Variants in PXDNL observed in about 807,000 individuals in gnomAD.
PXDNL encodes the protein peroxidasin like.
A neutral mutation model predicts 150.8 loss-of-function variants in PXDNL; 145 were observed. The ratio of observed to expected loss-of-function variants is 0.96; its 90% CI spans 0.84 to 1.10. The LOEUF (loss-of-function observed/expected upper bound fraction) is 1.10. Ranked by LOEUF, PXDNL falls within the 50% of genes least tolerant of loss-of-function variation. The pLI, the probability that PXDNL is intolerant of heterozygous loss-of-function variation, is 0.00. For synonymous variants in PXDNL, 757 were observed against 725.7 expected, an observed-to-expected ratio of 1.04 and a Z score of -0.69; for missense variants, 2,087 against 1,873.9, an observed-to-expected ratio of 1.11 and a Z score of -2.10.
At chr8:51,757,960 C>G (rs915360847) in intron 1 of PXDNL, among the ~76,000 whole-genome samples, 2 of 151,972 alleles carry the variant, frequency 1.3e-5, no homozygotes, top group Non-Finnish European at 1.5e-5. Context: ...AGAATATATT[C>G]TCATGAAAAT....
chr8:51,624,099 C>CAAAAAAA (rs59841822), intron 2 of PXDNL, among the ~76,000 whole-genome samples: 3 of 79,574 alleles, frequency 3.8e-5, no homozygotes, highest in Non-Finnish European at 2.3e-5. Context: ...TCTCAAATTA[C>CAAAAAAA]AAAAAAAAAA....
chr8:51,656,265 T>G (rs1451660410), intron 1 of PXDNL, among the ~76,000 whole-genome samples: 1 of 152,244 alleles, frequency 6.6e-6, no homozygotes, highest in East Asian at 1.9e-4. Flanking sequence ...CACTTCATCT[T>G]TCTCTAGACT....
At chr8:51,508,018 G>T (rs973077082) in intron 4 of PXDNL, among the ~76,000 whole-genome samples, 5 of 152,076 alleles carry the variant, frequency 3.3e-5, no homozygotes, top group African/African-American at 7.2e-5. Flanking sequence ...TGAAATGATA[G>T]AAAACTATTA....
At chr8:51,666,961 T>C (rs1815399176) in intron 1 of PXDNL, among the ~76,000 whole-genome samples, 1 of 152,114 alleles carries the variant, frequency 6.6e-6, no homozygotes, top group Non-Finnish European at 1.5e-5. Flanking sequence ...CCCACCCCGA[T>C]TTTCTGTTTC....
At chr8:51,325,977 GACT>G (rs1805471271) in intron 21 of PXDNL, among the ~76,000 whole-genome samples, 1 of 152,144 alleles carries the variant, frequency 6.6e-6, no homozygotes, top group East Asian at 1.9e-4. Context: ...TGTCTAGAGG[GACT>G]CAGGTTTTGT....
intron 7 of PXDNL, among the ~76,000 whole-genome samples, chr8:51,474,724 T>C (rs1413968312): frequency 6.6e-6 from 1 of 152,232 alleles, no homozygotes; most frequent in African/African-American, 2.4e-5. Context: ...ATTTCTCCTC[T>C]GAAATTACGG....
Position 51,475,021 on chromosome 8 carries a change from T to A in PXDNL, c.645A>T (p.Arg215Ser), listed in dbSNP as rs756281388. The A allele has an allele frequency of 1.2e-6, 2 of 1,611,288 alleles. No individual in the cohort carries two copies. Among genetic ancestry groups the A allele is most frequent in the Admixed American group, 1.7e-5 (1 of 59,646 alleles). Residue 215 changes from arginine to serine, a missense_variant, in exon 7 of 23, where the codon AGA becomes AGT. By Grantham distance (110) the Arg-to-Ser change is moderately radical. Transcript: ENST00000356297. ...QAAATCEYPR[R>S]LHGRAVASVT... ...CTGAAGCAACTGCACGCCCATGGAG[T>A]CTCCTGGGATATTCGCAGGTAGCCG... is the stretch of plus-strand genomic sequence containing the variant.
At chr8:51,646,670 GC>G (rs1449171601) in intron 2 of PXDNL, among the ~76,000 whole-genome samples, 1 of 152,174 alleles carries the variant, frequency 6.6e-6, no homozygotes. Context: ...ACTTCTAGGA[GC>G]CTTGCTCCTA....
intron 9 of PXDNL, among the ~76,000 whole-genome samples, chr8:51,454,382 AC>A (rs1483069184): frequency 1.3e-5 from 2 of 152,236 alleles, no homozygotes; most frequent in South Asian, 2.1e-4. Flanking sequence ...CTTGTGGCAT[AC>A]AATTAAAATA....
intron 1 of PXDNL, among the ~76,000 whole-genome samples, chr8:51,709,046 C>T (rs1816442090): frequency 6.6e-6 from 1 of 151,970 alleles, no homozygotes; most frequent in African/African-American, 2.4e-5. Flanking sequence ...GAAGAAGGAG[C>T]CCTGCTGAGG....
intron 5 of PXDNL, among the ~76,000 whole-genome samples, chr8:51,499,072 C>T (rs2217525): frequency 0.48 from 73,528 of 151,970 alleles, 20,950 homozygotes; most frequent in East Asian, 0.63. Flanking sequence ...GAAAGTGAAA[C>T]TGCTAGATCT....
intron 21 of PXDNL, among the ~76,000 whole-genome samples, chr8:51,333,518 A>G (rs1252458148): frequency 6.6e-6 from 1 of 152,234 alleles, no homozygotes; most frequent in Non-Finnish European, 1.5e-5. Context: ...ATTGAATGTA[A>G]ATGTACTCAA....
In PXDNL at chr8:51,366,008, T is replaced by C. The variant is rs1475388940; in HGVS notation, c.3901+5865A>G. The stretch of plus-strand genomic sequence containing the variant: ...AACAGTAGATTCCAACAAAAGAAGG[T>C]TGCCCCTACTGTAACCCTCATGAAC... On this transcript the variant is annotated intron_variant, in intron 19 of 22. Transcript: ENST00000356297. Among the ~76,000 whole-genome samples, 9 of 152,192 alleles carry C rather than the reference T, an allele frequency of 5.9e-5. 1 individual carries two copies. The highest frequency in any genetic ancestry group is 6.5e-5 in the Admixed American group (1 of 15,282).
intron 5 of PXDNL, among the ~76,000 whole-genome samples, chr8:51,493,105 A>C (rs564349160): frequency 2.0e-5 from 3 of 152,340 alleles, no homozygotes; most frequent in African/African-American, 7.2e-5. Context: ...ACGATCAGGC[A>C]GCAACATTTG....
chr8:51,320,721 A>G (rs1334358948), intron 22 of PXDNL, 63 bp downstream of exon 22: 1 of 1,156,898 alleles, frequency 8.6e-7, no homozygotes. Flanking sequence ...TTTTTCAAGT[A>G]TGCTTCAACT....
chr8:51,643,091 C>G (rs1400151156), intron 2 of PXDNL, among the ~76,000 whole-genome samples: 1 of 152,060 alleles, frequency 6.6e-6, no homozygotes, highest in Admixed American at 6.6e-5. Context: ...TAGGAAGAAT[C>G]AATATTGTGA....
At chr8:51,651,135 A>G (rs1348536502) in intron 2 of PXDNL, among the ~76,000 whole-genome samples, 1 of 152,236 alleles carries the variant, frequency 6.6e-6, no homozygotes, top group Non-Finnish European at 1.5e-5. Flanking sequence ...TTTAACAATA[A>G]TATTAATACA....
At chr8:51,517,233 G>A (rs1014323555) in intron 4 of PXDNL, among the ~76,000 whole-genome samples, 4 of 152,040 alleles carry the variant, frequency 2.6e-5, no homozygotes, top group Non-Finnish European at 5.9e-5. Context: ...TACCCAGGCA[G>A]TGTTATTTTT....
At chr8:51,674,709 C>A (rs1299752412) in intron 1 of PXDNL, among the ~76,000 whole-genome samples, 2 of 152,196 alleles carry the variant, frequency 1.3e-5, no homozygotes, top group Non-Finnish European at 2.9e-5. Flanking sequence ...CCTGCCATAC[C>A]CATCACGGCA....
Sources: allele counts gnomAD v4.1 joint callset (sites outside exome capture counted in the v4.1 genomes callset), GRCh38; gene constraint gnomAD v4.1.1; transcripts MANE v1.5; gene names NCBI Gene and HGNC (gene_info 2026-07-23, HGNC 2026-07-21).